Variants in BMPR1B observed in about 807,000 individuals in gnomAD.
BMPR1B encodes bone morphogenetic protein receptor type-1B.
A neutral mutation model predicts 59.1 loss-of-function variants in BMPR1B; 12 were observed. That is an observed-to-expected ratio of 0.20 (90% confidence interval 0.13 to 0.33). BMPR1B has a LOEUF of 0.33. Among genes scored for constraint, BMPR1B ranks in the 10% least tolerant of loss-of-function variants. The pLI is 1.00. For synonymous variants in BMPR1B, 237 were observed against 207.3 expected (o/e 1.14, Z -1.23); for missense variants, 550 against 610.9 (o/e 0.90, Z 1.05).
chr4:95,142,327 A>G (rs1007470267), intron 10 of BMPR1B, among the ~76,000 whole-genome samples: 9 of 152,288 alleles, frequency 5.9e-5, no homozygotes, highest in African/African-American at 2.2e-4. Context: ...GGGGAATCCA[A>G]ATCATCTTGC....
At chr4:94,885,992 A>G (rs1727157053) in intron 2 of BMPR1B, among the ~76,000 whole-genome samples, 1 of 152,170 alleles carries the variant, frequency 6.6e-6, no homozygotes, top group Admixed American at 6.6e-5. Flanking sequence ...AAATTCAAAT[A>G]TATCTTTAGT....
At chr4:95,082,865 C>T (rs1431277006) in intron 3 of BMPR1B, among the ~76,000 whole-genome samples, 15 of 151,458 alleles carry the variant, frequency 9.9e-5, no homozygotes, top group Admixed American at 5.9e-4. Flanking sequence ...GGTGAAGCCT[C>T]GTCTCTACTA....
At chr4:94,791,808 G>C (rs1403988092) in intron 1 of BMPR1B, among the ~76,000 whole-genome samples, 1 of 151,454 alleles carries the variant, frequency 6.6e-6, no homozygotes, top group Non-Finnish European at 1.5e-5. Flanking sequence ...TCTTCCTTAC[G>C]CTCCCTCTCC....
rs1200665336 is a variant in BMPR1B at position 95,129,407 on chromosome 4, C to A, written c.586-455C>A. Among the ~76,000 whole-genome samples the A allele has an allele frequency of 1.2e-3, 188 of 151,552 alleles. 1 individual carries two copies. Among genetic ancestry groups the A allele is most frequent in the Non-Finnish European group, 2.9e-4 (20 of 67,868 alleles). On this transcript the variant is annotated intron_variant, in intron 8 of 12. Transcript: ENST00000515059. ...TCCTTCCTCCCTCCCTCCCTTTTTTCTTCCTCCCTGCATATAGATTTCCTT... is the reference window on the plus strand; with the variant it reads ...TCCTTCCTCCCTCCCTCCCTTTTTTATTCCTCCCTGCATATAGATTTCCTT...
intron 3 of BMPR1B, among the ~76,000 whole-genome samples, chr4:95,048,451 C>T (rs1460333913): frequency 6.6e-6 from 1 of 152,154 alleles, no homozygotes; most frequent in Non-Finnish European, 1.5e-5. Context: ...TCTCCACAGC[C>T]TTGCCAGCAT....
At chr4:95,077,551 G>T (rs1728804728) in intron 3 of BMPR1B, among the ~76,000 whole-genome samples, 1 of 152,154 alleles carries the variant, frequency 6.6e-6, no homozygotes, top group Admixed American at 6.5e-5. Flanking sequence ...ATGGTTTGTT[G>T]ATAAGCCACT....
At chr4:94,839,550 A>G (rs1724965615) in intron 1 of BMPR1B, among the ~76,000 whole-genome samples, 1 of 149,344 alleles carries the variant, frequency 6.7e-6, no homozygotes, top group Non-Finnish European at 1.5e-5. Flanking sequence ...TTGTTGGTTT[A>G]AAGTCTGTTT....
chr4:95,004,042 T>C (rs948612560), intron 3 of BMPR1B, among the ~76,000 whole-genome samples: 4 of 152,006 alleles, frequency 2.6e-5, no homozygotes, highest in Admixed American at 2.6e-4. Flanking sequence ...TCAATATTTA[T>C]ATACTAATTG....
At chr4:94,944,319 G>T (rs1230044163) in intron 2 of BMPR1B, among the ~76,000 whole-genome samples, 1 of 152,056 alleles carries the variant, frequency 6.6e-6, no homozygotes, top group Non-Finnish European at 1.5e-5. Context: ...TTGTTTATAT[G>T]TTTTATTATT....
intron 2 of BMPR1B, among the ~76,000 whole-genome samples, chr4:94,902,746 A>G (rs1266115460): frequency 6.6e-6 from 1 of 152,004 alleles, no homozygotes; most frequent in Non-Finnish European, 1.5e-5. Context: ...TTAACTTACT[A>G]TTTTGAAGAA....
At chr4:95,008,992 T>C (rs1208413099) in intron 3 of BMPR1B, among the ~76,000 whole-genome samples, 3 of 152,138 alleles carry the variant, frequency 2.0e-5, no homozygotes, top group Admixed American at 6.6e-5. Context: ...GAGTTGATGA[T>C]TGCAGTGAAC....
At chr4:95,026,098 A>ATTTCTTTCTTTCCTTTCTTTC (rs1455953912) in intron 3 of BMPR1B, among the ~76,000 whole-genome samples, 1 of 101,622 alleles carries the variant, frequency 9.8e-6, no homozygotes, top group Non-Finnish European at 2.1e-5. Flanking sequence ...GCTTTCTTTC[A>ATTTCTTTCTTTCCTTTCTTTC]TTTCTTTCTT....
intron 3 of BMPR1B, among the ~76,000 whole-genome samples, chr4:95,045,164 T>C (rs17411860): frequency 0.28 from 42,454 of 152,072 alleles, 6,626 homozygotes; most frequent in South Asian, 0.43. Flanking sequence ...CAGGGATGTT[T>C]ACATGGTAAA....
intron 2 of BMPR1B, among the ~76,000 whole-genome samples, chr4:94,955,199 A>G (rs779969271): frequency 8.5e-5 from 13 of 152,186 alleles, no homozygotes; most frequent in Non-Finnish European, 1.5e-4. Context: ...AGATGATTCA[A>G]TTTCTGTCAA....
intron 3 of BMPR1B, among the ~76,000 whole-genome samples, chr4:95,095,150 C>T (rs533489895): frequency 6.6e-6 from 1 of 151,586 alleles, no homozygotes; most frequent in Non-Finnish European, 1.5e-5. Context: ...GAAACTCAGG[C>T]CTTTAGAGTT....
At chr4:94,936,451 C>T (rs1299272154) in intron 2 of BMPR1B, among the ~76,000 whole-genome samples, 1 of 152,056 alleles carries the variant, frequency 6.6e-6, no homozygotes, top group Non-Finnish European at 1.5e-5. Flanking sequence ...GCCTGATGAA[C>T]AGGTATGTTT....
intron 6 of BMPR1B, among the ~76,000 whole-genome samples, chr4:95,120,610 TTTCCTTCCTTCCTTCCTTCC>T (rs777085969): frequency 0.016 from 2,009 of 122,670 alleles, 55 homozygotes; most frequent in African/African-American, 0.057. Flanking sequence ...ATAGCCTGCC[TTTCCTTCCTTCCTTCCTTCC>T]TTCCTTCCTT....
At chr4:94,846,731 A>G (rs1221836896) in intron 1 of BMPR1B, among the ~76,000 whole-genome samples, 2 of 86,738 alleles carry the variant, frequency 2.3e-5, no homozygotes, top group East Asian at 5.8e-4. Context: ...ATATATCTAT[A>G]TCTATATATC....
intron 1 of BMPR1B, among the ~76,000 whole-genome samples, chr4:94,812,040 A>G (rs1012265232): frequency 1.3e-5 from 2 of 152,218 alleles, no homozygotes; most frequent in African/African-American, 2.4e-5. Context: ...AACAATATCT[A>G]GAGAATGTTT....
Sources: gnomAD v4.1 joint callset for allele counts (sites outside exome capture counted in the v4.1 genomes callset) on GRCh38, gnomAD v4.1.1 for gene constraint, MANE v1.5 for transcripts, NCBI Gene and HGNC (gene_info 2026-07-23, HGNC 2026-07-21) for gene names.